The following ZDHHC17 variants were observed in gnomAD, a reference collection of about 807,000 sequenced individuals.
ZDHHC17 encodes zDHHC palmitoyltransferase 17.
In ZDHHC17, 40 loss-of-function variants were observed where a neutral mutation model predicts 90.3. The observed-to-expected ratio is 0.44, with a 90% CI of 0.34 to 0.58. The LOEUF is 0.58. Among genes scored for constraint, ZDHHC17 ranks in the 20% least tolerant of loss-of-function variants. The probability of loss-of-function intolerance (pLI) is 0.01; values close to 1 mark genes in which losing one functional copy is unlikely to be tolerated. For synonymous variants in ZDHHC17, 235 were observed against 252.4 expected (o/e 0.93, Z 0.65); for missense variants, 614 against 780.8 (o/e 0.79, Z 2.55).
intron 3 of ZDHHC17, among the ~76,000 whole-genome samples, chr12:76,806,403 C>T (rs1482080999): frequency 6.6e-6 from 1 of 152,068 alleles, no homozygotes; most frequent in African/African-American, 2.4e-5. Context: ...CTCAGCCTCC[C>T]GAGTAGTTGG....
chr12:76,810,453 A>T (rs1455260996), intron 5 of ZDHHC17, among the ~76,000 whole-genome samples: 1 of 152,164 alleles, frequency 6.6e-6, no homozygotes, highest in Non-Finnish European at 1.5e-5. Flanking sequence ...TTTTCTGGTT[A>T]TATTTGAACA....
intron 5 of ZDHHC17, chr12:76,813,301 T>G (rs1334515935): frequency 2.3e-6 from 1 of 438,396 alleles, no homozygotes; most frequent in African/African-American, 2.0e-5. Flanking sequence ...ACATATTTTT[T>G]TTAAGCCACA....
intron 8 of ZDHHC17, among the ~76,000 whole-genome samples, chr12:76,825,917 T>G (rs1953224734): frequency 6.6e-6 from 1 of 152,042 alleles, no homozygotes; most frequent in Admixed American, 6.6e-5. Context: ...TGGGCTCAGG[T>G]AATCCTCCCA....
intron 10 of ZDHHC17, among the ~76,000 whole-genome samples, chr12:76,833,420 A>G (rs77259946): frequency 0.14 from 22,008 of 152,160 alleles, 1,980 homozygotes; most frequent in Non-Finnish European, 0.2. Context: ...ATGTCCTTAT[A>G]TTATACTCTG....
At chr12:76,784,067 T>G (rs1422478967) in intron 1 of ZDHHC17, among the ~76,000 whole-genome samples, 1 of 152,228 alleles carries the variant, frequency 6.6e-6, no homozygotes, top group African/African-American at 2.4e-5. Context: ...TGTGTTGTTT[T>G]AAACCACTAA....
At chr12:76,842,661 T>C (rs1195645256) in intron 11 of ZDHHC17, among the ~76,000 whole-genome samples, 3 of 152,302 alleles carry the variant, frequency 2.0e-5, no homozygotes, top group African/African-American at 7.2e-5. Context: ...TTTTGATAAG[T>C]TATTCCAGTC....
intron 1 of ZDHHC17, among the ~76,000 whole-genome samples, chr12:76,782,771 A>G (rs1952641594): frequency 6.6e-6 from 1 of 152,130 alleles, no homozygotes. Context: ...AATAGTGGAA[A>G]AAATACCTCA....
rs934854876 is a variant in ZDHHC17, at chr12:76,835,536, T to A, written c.1142-6446T>A. Among the ~76,000 whole-genome samples, 98 of 152,204 alleles carry A rather than the reference T, an allele frequency of 6.4e-4. 3 individuals carry two copies. The highest frequency in any genetic ancestry group is 4.6e-4 in the Admixed American group (7 of 15,298). On this transcript the variant is annotated intron_variant, in intron 10 of 16. Coordinates refer to ENST00000426126, the MANE Select transcript of ZDHHC17 (RefSeq NM_015336.4). Reference sequence around the variant, plus strand: ...TAATTTTTTTAAATTATGAATTTTTTATTTTTAATTAAAATTTCTGTTTGT... The same window carrying A: ...TAATTTTTTTAAATTATGAATTTTTAATTTTTAATTAAAATTTCTGTTTGT...
chr12:76,846,104 G>T (rs1213249819), intron 13 of ZDHHC17, among the ~76,000 whole-genome samples: 1 of 152,006 alleles, frequency 6.6e-6, no homozygotes, highest in African/African-American at 2.4e-5. Context: ...ATGATATTAT[G>T]TGCAGAGGTA....
chr12:76,805,397 T>G lies in ZDHHC17; in HGVS notation c.278T>G (p.Leu93Arg), dbSNP rs1452447166. 6.3e-7 allele frequency: 1 copy of G among 1,599,596 alleles called. No homozygotes were observed. The highest frequency in any genetic ancestry group is 8.5e-7 in the Non-Finnish European group (1 of 1,171,630). Residue 93 changes from leucine (L) to arginine (R), a missense_variant, in exon 3 of 17, where the codon CTC becomes CGC. Transcript: ENST00000426126. ...VRQPDKENVTLLHWAAINNRI... is the reference protein window; with the variant it reads ...VRQPDKENVTRLHWAAINNRI... ...CAACCGGACAAAGAAAATGTTACCC[T>G]CCTCCATTGGGCTGCCATCAATAAC... is the stretch of plus-strand genomic sequence containing the variant.
chr12:76,780,668 A>G (rs1039042485), intron 1 of ZDHHC17, among the ~76,000 whole-genome samples: 4 of 152,170 alleles, frequency 2.6e-5, no homozygotes, highest in Admixed American at 1.3e-4. Flanking sequence ...TGTGACCTCT[A>G]TATTGTTAAA....
At chr12:76,820,571 A>G (rs1180408702) in intron 7 of ZDHHC17, among the ~76,000 whole-genome samples, 1 of 152,188 alleles carries the variant, frequency 6.6e-6, no homozygotes, top group Non-Finnish European at 1.5e-5. Context: ...AGAATATAAA[A>G]TTACTGAGCT....
chr12:76,776,728 C>T (rs1281373287), intron 1 of ZDHHC17, among the ~76,000 whole-genome samples: 1 of 152,086 alleles, frequency 6.6e-6, no homozygotes, highest in African/African-American at 2.4e-5. Context: ...TGTTTATTAG[C>T]TATGTGTGGC....
chr12:76,789,611 G>T (rs1415723194), intron 1 of ZDHHC17, among the ~76,000 whole-genome samples: 1 of 151,732 alleles, frequency 6.6e-6, no homozygotes, highest in African/African-American at 2.4e-5. Context: ...TAAAAGGAAA[G>T]AATATTAAGG....
chr12:76,820,943 T>C lies in ZDHHC17; in HGVS notation c.772-1463T>C, dbSNP rs142175710. The C allele has an allele frequency of 2.3e-3, 1,371 of 602,958 alleles. 14 individuals are homozygous for C. The African/African-American group carries it at 0.024, about 10-fold the overall frequency. 37.4% of individuals were successfully genotyped at this position (602,958 alleles called of 1,614,324 possible). A position where few individuals can be genotyped will look rare whatever the true frequency, so the allele number is the denominator to read the frequency against. On this transcript the variant is annotated intron_variant, in intron 7 of 16. Transcript: ENST00000426126. ...GAACCCTGGTTTTAATATACTTCTT[T>C]AAATGAATTGAGTGTTTATTTTACC...
Position 76,826,893 on chromosome 12 carries a change from T to C in ZDHHC17, c.898-15T>C. The C allele has an allele frequency of 1.3e-6, 2 of 1,506,430 alleles. No individual in the cohort carries two copies. Among genetic ancestry groups the C allele is most frequent in the Non-Finnish European group, 8.8e-7 (1 of 1,136,758 alleles). 93.3% of individuals were successfully genotyped at this position (1,506,430 alleles called of 1,614,324 possible). A position where few individuals can be genotyped will look rare whatever the true frequency, so the allele number is the denominator to read the frequency against. The stretch of plus-strand genomic sequence containing the variant: ...AAACATGCAAAAACTTTTCTAATTT[T>C]TTGTTTCTATACAGGAATTTCGGCA... On this transcript the variant is annotated splice_polypyrimidine_tract_variant and intron_variant, in intron 8 of 16. Coordinates refer to ENST00000426126, the MANE Select transcript of ZDHHC17 (RefSeq NM_015336.4).
intron 1 of ZDHHC17, among the ~76,000 whole-genome samples, chr12:76,772,124 A>G (rs1471720834): frequency 1.3e-5 from 2 of 152,154 alleles, no homozygotes; most frequent in East Asian, 1.9e-4. Flanking sequence ...TTTTATACCT[A>G]TTTTACAAAT....
Position 76,822,508 on chromosome 12 carries a change from C to T in ZDHHC17, c.874C>T (p.Leu292Phe). ...QAKGYDNPSFLRKLKADKEFR... is the reference protein window; with the variant it reads ...QAKGYDNPSFFRKLKADKEFR... ...AAAAGGATATGACAATCCGTCCTTC[C>T]TTAGAAAGCTGAAAGCTGATAAGGT... The change falls in exon 8 of 17, where the codon CTT becomes TTT. Residue 292 changes from leucine (L) to phenylalanine (F), a missense_variant. Coordinates refer to ENST00000426126, the MANE Select transcript of ZDHHC17 (RefSeq NM_015336.4). 1 of 1,604,840 alleles carries T rather than the reference C, an allele frequency of 6.2e-7. No homozygotes were observed. The highest frequency in any genetic ancestry group is 8.5e-7 in the Non-Finnish European group (1 of 1,175,142).
intron 10 of ZDHHC17, among the ~76,000 whole-genome samples, chr12:76,833,989 G>GT (rs897345814): frequency 5.9e-5 from 9 of 152,122 alleles, no homozygotes; most frequent in South Asian, 2.1e-4. Flanking sequence ...CTATGGAATG[G>GT]TATTACATAA....
Sources: allele counts gnomAD v4.1 joint callset (sites outside exome capture counted in the v4.1 genomes callset), GRCh38; gene constraint gnomAD v4.1.1; transcripts MANE v1.5; gene names NCBI Gene and HGNC (gene_info 2026-07-23, HGNC 2026-07-21).